The following FRMD4A variants were observed in gnomAD, a reference collection of about 807,000 sequenced individuals.
FRMD4A encodes the protein FERM domain-containing protein 4A.
FRMD4A carries 29 observed loss-of-function variants against 129.1 expected under a neutral mutation model. That is an observed-to-expected ratio of 0.22 (90% CI 0.17 to 0.31). FRMD4A has a LOEUF of 0.31. Among genes scored for constraint, FRMD4A ranks in the 10% least tolerant of loss-of-function variants. The pLI is 1.00. For missense variants in FRMD4A, 1,272 were observed against 1,375.8 expected, an observed-to-expected ratio of 0.92 and a Z score of 1.19; for synonymous variants, 634 against 571.6, an observed-to-expected ratio of 1.11 and a Z score of -1.56.
At chr10:13,715,908 A>G (rs1346862227) in intron 12 of FRMD4A, among the ~76,000 whole-genome samples, 1 of 27,472 alleles carries the variant, frequency 3.6e-5, no homozygotes, top group African/African-American at 1.0e-4. Flanking sequence ...CCCCCCTCAA[A>G]AAAAAAAAAA....
At chr10:13,982,605 G>A (rs925724229) in intron 2 of FRMD4A, among the ~76,000 whole-genome samples, 1 of 152,146 alleles carries the variant, frequency 6.6e-6, no homozygotes. Flanking sequence ...GCTGCTCAGA[G>A]AGGCCAAGAA....
intron 2 of FRMD4A, among the ~76,000 whole-genome samples, chr10:14,005,105 C>G (rs892711169): frequency 2.0e-5 from 3 of 152,004 alleles, no homozygotes; most frequent in Admixed American, 2.0e-4. Context: ...TCACAGCAAC[C>G]TCCACCTCCC....
chr10:14,143,243 CA>C (rs1277228746), intron 2 of FRMD4A, among the ~76,000 whole-genome samples: 1 of 152,192 alleles, frequency 6.6e-6, no homozygotes, highest in Non-Finnish European at 1.5e-5. Flanking sequence ...TATCCACCAA[CA>C]GATGAACGAA....
chr10:14,016,055 C>T lies in FRMD4A; in HGVS notation c.46-157143G>A, dbSNP rs1186829416. On this transcript the variant is annotated intron_variant, in intron 2 of 24. Coordinates refer to ENST00000357447, the MANE Select transcript of FRMD4A (RefSeq NM_018027.5). ...TTATTGGAAGAGTTTTCTTTTGTTC[C>T]TCAAACTCAGCTCCTCTCTGTGATG... Among the ~76,000 whole-genome samples, 9 of 152,282 alleles carry T rather than the reference C, an allele frequency of 5.9e-5. No individual in the cohort carries two copies. In the East Asian group the frequency reaches 1.5e-3, roughly 26 times the overall value.
At chr10:14,195,314 T>C (rs1443800309) in intron 2 of FRMD4A, among the ~76,000 whole-genome samples, 1 of 152,128 alleles carries the variant, frequency 6.6e-6, no homozygotes, top group Non-Finnish European at 1.5e-5. Context: ...GAATCTGTTT[T>C]AGGAATTCGG....
chr10:14,315,054 T>G (rs891788264), intron 2 of FRMD4A, among the ~76,000 whole-genome samples: 1 of 152,138 alleles, frequency 6.6e-6, no homozygotes, highest in Non-Finnish European at 1.5e-5. Flanking sequence ...ATACGACAAA[T>G]TATATTCTCT....
At chr10:13,700,406 T>C (rs1050764029) in intron 14 of FRMD4A, among the ~76,000 whole-genome samples, 30 of 152,282 alleles carry the variant, frequency 2.0e-4, no homozygotes, top group African/African-American at 7.2e-4. Context: ...GCCCAGTAAG[T>C]TGAGCATCTT....
intron 2 of FRMD4A, among the ~76,000 whole-genome samples, chr10:14,247,549 C>T (rs1844286062): frequency 1.3e-5 from 2 of 152,336 alleles, no homozygotes; most frequent in East Asian, 1.9e-4. Context: ...CTTTCTGTCT[C>T]TCTCTTCACT....
intron 2 of FRMD4A, among the ~76,000 whole-genome samples, chr10:14,201,900 G>T (rs529856962): frequency 6.6e-6 from 1 of 152,266 alleles, no homozygotes; most frequent in South Asian, 2.1e-4. Flanking sequence ...GGAGGCTGAG[G>T]CGGCTGGATC....
chr10:13,985,198 A>G (rs1053750382), intron 2 of FRMD4A, among the ~76,000 whole-genome samples: 4 of 152,198 alleles, frequency 2.6e-5, no homozygotes, highest in Non-Finnish European at 5.9e-5. Context: ...TTAGCTCTGA[A>G]GTCCGGCTCA....
intron 2 of FRMD4A, among the ~76,000 whole-genome samples, chr10:14,053,961 C>A (rs1262289167): frequency 6.6e-6 from 1 of 152,132 alleles, no homozygotes; most frequent in East Asian, 1.9e-4. Context: ...GAGTTATGAT[C>A]ACCCCACTGC....
At chr10:14,184,472 A>G (rs1842017866) in intron 2 of FRMD4A, among the ~76,000 whole-genome samples, 1 of 134,686 alleles carries the variant, frequency 7.4e-6, no homozygotes, top group Non-Finnish European at 1.6e-5. Flanking sequence ...CTCTTAGCCA[A>G]CTTTCTATTC....
Position 13,701,596 on chromosome 10 carries a change from G to A in FRMD4A, c.837-118C>T, listed in dbSNP as rs148902484. The A allele has an allele frequency of 2.4e-3, 2,042 of 854,004 alleles. 19 individuals are homozygous for A. Among genetic ancestry groups the A allele is most frequent in the South Asian group, 0.014 (886 of 63,028 alleles). The allele number at this position is 854,004 out of a possible 1,614,324, so 52.9% of individuals were successfully genotyped here. A position where few individuals can be genotyped will look rare whatever the true frequency, so the allele number is the denominator to read the frequency against. ...TAGAAGCCCTGGCGTAAAGATGATA[G>A]ATGAGCTCTCACATACACCTAGGCG... On this transcript the variant is annotated intron_variant, in intron 13 of 24. Coordinates refer to ENST00000357447, the MANE Select transcript of FRMD4A (RefSeq NM_018027.5).
At chr10:14,276,156 C>T (rs943186255) in intron 2 of FRMD4A, among the ~76,000 whole-genome samples, 6 of 152,148 alleles carry the variant, frequency 3.9e-5, no homozygotes, top group African/African-American at 9.7e-5. Context: ...TTTTTCCCAC[C>T]GGAAGACAGT....
At chr10:14,254,980 ACTT>A (rs1352247422) in intron 2 of FRMD4A, among the ~76,000 whole-genome samples, 1 of 152,114 alleles carries the variant, frequency 6.6e-6, no homozygotes, top group Non-Finnish European at 1.5e-5. Flanking sequence ...AGACTGCTCA[ACTT>A]CCTATTAAGA....
At chr10:13,803,612 G>A (rs2093301847) in intron 4 of FRMD4A, among the ~76,000 whole-genome samples, 1 of 151,046 alleles carries the variant, frequency 6.6e-6, no homozygotes, top group Non-Finnish European at 1.5e-5. Context: ...CACTGGGATG[G>A]CAGGCATGAG....
intron 2 of FRMD4A, among the ~76,000 whole-genome samples, chr10:13,862,330 C>T: frequency 6.6e-6 from 1 of 152,068 alleles, no homozygotes; most frequent in Non-Finnish European, 1.5e-5. Context: ...GTTTTAATCG[C>T]AGTAATAAAG....
chr10:13,942,803 C>T (rs970741178), intron 2 of FRMD4A, among the ~76,000 whole-genome samples: 2 of 152,000 alleles, frequency 1.3e-5, no homozygotes, highest in African/African-American at 2.4e-5. Context: ...CGTGGTGGCG[C>T]GCGTCTGTAG....
At chr10:14,127,968 TTCTTTCTTTCCTTCTCTCTCTCTCTC>T (rs1838966705) in intron 2 of FRMD4A, among the ~76,000 whole-genome samples, 3 of 33,606 alleles carry the variant, frequency 8.9e-5, no homozygotes, top group African/African-American at 3.8e-4. Context: ...CTTTCTTTCT[TTCTTTCTTTCCTTCTCTCTCTCTCTC>T]TCTCTCTTTC....
Sources: allele counts gnomAD v4.1 joint callset (sites outside exome capture counted in the v4.1 genomes callset), GRCh38; gene constraint gnomAD v4.1.1; transcripts MANE v1.5; gene names NCBI Gene and HGNC (gene_info 2026-07-23, HGNC 2026-07-21).